TRIM2: variants seen among roughly 807,000 people sequenced by gnomAD.
TRIM2 encodes the protein tripartite motif-containing protein 2.
A neutral mutation model predicts 75.2 loss-of-function variants in TRIM2; 20 were observed. The ratio of observed to expected loss-of-function variants is 0.27; its 90% confidence interval spans 0.19 to 0.39. The LOEUF is 0.39. Among genes scored for constraint, TRIM2 ranks in the 10% least tolerant of loss-of-function variants. TRIM2 has a pLI of 1.00. For synonymous variants in TRIM2, 373 were observed against 388.3 expected (o/e 0.96, Z 0.46); for missense variants, 660 against 990.8 (o/e 0.67, Z 4.48).
At position 153,338,255 on chromosome 4, in the gene TRIM2, T is replaced by A. The variant is rs758285055; in HGVS notation, c.*3289T>A. The A allele has an allele frequency of 9.1e-6, 9 of 985,730 alleles. No homozygotes were observed. Among genetic ancestry groups the A allele is most frequent in the Admixed American group, 6.1e-5 (1 of 16,264 alleles). 61.1% of individuals were successfully genotyped at this position (985,730 alleles called of 1,614,324 possible). A position where few individuals can be genotyped will look rare whatever the true frequency, so the allele number is the denominator to read the frequency against. Reference sequence around the variant, plus strand: ...ACAGAAATGCTTTGGTAATACCTACTTAGTTAATTGGAGGAAGTAGTAAAT... The same window carrying A: ...ACAGAAATGCTTTGGTAATACCTACATAGTTAATTGGAGGAAGTAGTAAAT... On this transcript the variant is annotated 3_prime_UTR_variant, in exon 12 of 12. Coordinates refer to ENST00000338700, the MANE Select transcript of TRIM2 (RefSeq NM_015271.5).
At position 153,209,342 on chromosome 4, in the gene TRIM2, T is replaced by C. The variant is rs138638688; in HGVS notation, c.30+4782T>C. Among the ~76,000 whole-genome samples, 163 of 152,226 alleles carry C rather than the reference T, an allele frequency of 1.1e-3. 2 individuals are homozygous for C. The highest frequency in any genetic ancestry group is 5.1e-4 in the Non-Finnish European group (35 of 68,002). On this transcript the variant is annotated intron_variant, in intron 1 of 11. Coordinates refer to ENST00000338700, the MANE Select transcript of TRIM2 (RefSeq NM_015271.5). ...GATATGTTCAAGGGACCCACCCCCA[T>C]AAAAGATGGAAGATGAATCAGAAAA...
chr4:153,331,052 T>C (rs1047559647), intron 11 of TRIM2, among the ~76,000 whole-genome samples: 21 of 152,192 alleles, frequency 1.4e-4, no homozygotes, highest in Non-Finnish European at 3.1e-4. Context: ...TCAGGCACGG[T>C]GGCTCATGCA....
intron 1 of TRIM2, among the ~76,000 whole-genome samples, chr4:153,227,204 T>C (rs1188865008): frequency 6.6e-6 from 1 of 152,188 alleles, no homozygotes; most frequent in African/African-American, 2.4e-5. Context: ...AAAGGTGTGT[T>C]GGTAAAAGGC....
At chr4:153,160,089 A>G (rs1252615142) in intron 1 of TRIM2, among the ~76,000 whole-genome samples, 2 of 152,142 alleles carry the variant, frequency 1.3e-5, no homozygotes, top group Non-Finnish European at 2.9e-5. Context: ...GTTTAGTGCA[A>G]TTTTTAGAAT....
chr4:153,164,953 T>G (rs1397175354), intron 1 of TRIM2, among the ~76,000 whole-genome samples: 1 of 152,132 alleles, frequency 6.6e-6, no homozygotes, highest in African/African-American at 2.4e-5. Flanking sequence ...TATTACTTCA[T>G]TTTTTTATAC....
intron 1 of TRIM2, among the ~76,000 whole-genome samples, chr4:153,178,317 C>T (rs1000342337): frequency 3.9e-5 from 6 of 152,090 alleles, no homozygotes; most frequent in African/African-American, 1.2e-4. Flanking sequence ...AACCCCACGC[C>T]GAACTCTGTG....
chr4:153,172,804 A>G (rs539716716), intron 1 of TRIM2, among the ~76,000 whole-genome samples: 44 of 152,310 alleles, frequency 2.9e-4, no homozygotes, highest in African/African-American at 9.1e-4. Flanking sequence ...TTGAGACCTC[A>G]GTAATGAAGA....
At chr4:153,277,991 G>A (rs577036669) in intron 3 of TRIM2, among the ~76,000 whole-genome samples, 23 of 152,324 alleles carry the variant, frequency 1.5e-4, no homozygotes, top group Non-Finnish European at 2.9e-4. Flanking sequence ...TTATGGGAAG[G>A]TATTTCTATC....
rs1046219468 is a variant in TRIM2, at chr4:153,338,678, T to G, written c.*3712T>G. On this transcript the variant is annotated 3_prime_UTR_variant, in exon 12 of 12. Coordinates refer to ENST00000338700, the MANE Select transcript of TRIM2 (RefSeq NM_015271.5). The stretch of plus-strand genomic sequence containing the variant: ...GCTACAAATCATGATGCTTAAAAAC[T>G]TTCTAAAGATGAATTGTGTGGCAGT... 2.0e-6 allele frequency: 2 copies of G among 985,714 alleles called. No homozygotes were observed. Among genetic ancestry groups the G allele is most frequent in the Non-Finnish European group, 2.4e-6 (2 of 829,920 alleles). The allele number at this position is 985,714 out of a possible 1,614,324, so 61.1% of individuals were successfully genotyped here.
rs142215104 is a variant in TRIM2 at position 153,236,658 on chromosome 4, TTTTTCTTTTC to T, written c.30+32118_30+32127del. On this transcript the variant is annotated intron_variant, in intron 1 of 11. Transcript: ENST00000338700. ...GTTGTTTGAGTCTGAGGATTGTGTC[TTTTTCTTTTC>T]TTTTCTTTTCTTTTCTTTTTCCTTT... is the stretch of plus-strand genomic sequence containing the variant. 3.0e-3 allele frequency among the ~76,000 whole-genome samples: 456 copies of T among 149,610 alleles called. 6 individuals carry two copies. The highest frequency in any genetic ancestry group is 0.011 in the African/African-American group (431 of 39,800).
chr4:153,332,000 T>C (rs1026247561), intron 11 of TRIM2, among the ~76,000 whole-genome samples: 2 of 152,230 alleles, frequency 1.3e-5, no homozygotes, highest in African/African-American at 4.8e-5. Flanking sequence ...AAATGGACTG[T>C]AGATTTAACT....
At chr4:153,194,256 T>C (rs1037676257) in intron 1 of TRIM2, among the ~76,000 whole-genome samples, 1 of 152,234 alleles carries the variant, frequency 6.6e-6, no homozygotes, top group Non-Finnish European at 1.5e-5. Flanking sequence ...TTATCAAATA[T>C]ATTCATCGAT....
At chr4:153,259,391 CTCTTTTTATTAGGTAGG>C (rs1408768971) in intron 1 of TRIM2, among the ~76,000 whole-genome samples, 1 of 152,094 alleles carries the variant, frequency 6.6e-6, no homozygotes, top group African/African-American at 2.4e-5. Flanking sequence ...TTTCTTTTAT[CTCTTTTTATTAGGTAGG>C]GGAAAATCCC....
intron 1 of TRIM2, among the ~76,000 whole-genome samples, chr4:153,244,383 T>TCTTCTTCTTCTTCTTCTC (rs1748214846): frequency 1.4e-5 from 1 of 70,576 alleles, no homozygotes; most frequent in Non-Finnish European, 2.4e-5. Context: ...TTCTTCTTCT[T>TCTTCTTCTTCTTCTTCTC]CTTCTTCTTC....
intron 1 of TRIM2, among the ~76,000 whole-genome samples, chr4:153,212,884 T>G (rs1468889872): frequency 6.6e-6 from 1 of 152,200 alleles, no homozygotes; most frequent in Non-Finnish European, 1.5e-5. Flanking sequence ...ATGGTGGTTG[T>G]GCACGTAGCC....
chr4:153,262,938 C>G (rs1753941219), intron 1 of TRIM2, among the ~76,000 whole-genome samples: 1 of 152,158 alleles, frequency 6.6e-6, no homozygotes, highest in Admixed American at 6.5e-5. Context: ...CTTTCATGTA[C>G]TCAATAGTTC....
At chr4:153,245,032 G>T (rs1361649238) in intron 1 of TRIM2, among the ~76,000 whole-genome samples, 1 of 152,122 alleles carries the variant, frequency 6.6e-6, no homozygotes, top group Non-Finnish European at 1.5e-5. Context: ...AAATCTAGGG[G>T]GCTTGTGACC....
At chr4:153,333,775 ATAT>A (rs1772008684) in intron 11 of TRIM2, among the ~76,000 whole-genome samples, 1 of 152,204 alleles carries the variant, frequency 6.6e-6, no homozygotes, top group Non-Finnish European at 1.5e-5. Context: ...AAAATACATA[ATAT>A]TATTTACATT....
At chr4:153,259,076 A>C (rs191341303) in intron 1 of TRIM2, among the ~76,000 whole-genome samples, 15 of 152,354 alleles carry the variant, frequency 9.8e-5, no homozygotes, top group African/African-American at 3.1e-4. Flanking sequence ...AGTGATTTGC[A>C]TTGGAAAGGT....
Sources: allele counts gnomAD v4.1 joint callset (sites outside exome capture counted in the v4.1 genomes callset), GRCh38; gene constraint gnomAD v4.1.1; transcripts MANE v1.5; gene names NCBI Gene and HGNC (gene_info 2026-07-23, HGNC 2026-07-21).